Variants in RFT1 observed in about 807,000 individuals in gnomAD.
RFT1 encodes man(5)GlcNAc(2)-PP-dolichol translocation protein RFT1.
RFT1 carries 43 observed loss-of-function variants against 62.2 expected under a neutral mutation model. The observed-to-expected ratio is 0.69, with a 90% CI of 0.54 to 0.89. RFT1 has a LOEUF of 0.89. Ranked by LOEUF, RFT1 falls within the 40% of genes least tolerant of loss-of-function variation. The pLI, the probability that RFT1 is intolerant of heterozygous loss-of-function variation, is 0.00. For missense variants in RFT1, 605 were observed against 649.9 expected (o/e 0.93, Z 0.75); for synonymous variants, 262 against 264.6 (o/e 0.99, Z 0.10).
intron 11 of RFT1, among the ~76,000 whole-genome samples, chr3:53,098,801 C>CAAAAAAAAAA (rs35371104): frequency 1.7e-5 from 1 of 57,632 alleles, no homozygotes; most frequent in Non-Finnish European, 2.8e-5. Flanking sequence ...GACTCCATCT[C>CAAAAAAAAAA]AAAAAAAAAA....
chr3:53,070,957 C>G, the RFT1 span, among the ~76,000 whole-genome samples: 1 of 151,936 alleles, frequency 6.6e-6, no homozygotes, highest in East Asian at 2.0e-4. Context: ...GTCTAGAACT[C>G]CTGATTCAGA....
At chr3:53,093,792 G>A (rs1354153149) in intron 11 of RFT1, among the ~76,000 whole-genome samples, 5 of 152,150 alleles carry the variant, frequency 3.3e-5, no homozygotes, top group African/African-American at 7.2e-5. Flanking sequence ...AGGTTGAAGC[G>A]GGAGGATCGC....
intron 10 of RFT1, among the ~76,000 whole-genome samples, chr3:53,102,815 T>C (rs78004249): frequency 1.3e-3 from 193 of 152,322 alleles, no homozygotes; most frequent in Non-Finnish European, 1.8e-3. Context: ...AAAACTAAGA[T>C]GATGGGCTGA....
At chr3:53,070,440 C>T in the RFT1 span, among the ~76,000 whole-genome samples, 7 of 114,818 alleles carry the variant, frequency 6.1e-5, no homozygotes, top group East Asian at 3.0e-4. Context: ...CTCACTCTGT[C>T]GCCCAGGCTG....
intron 2 of RFT1, among the ~76,000 whole-genome samples, chr3:53,124,411 T>C (rs1420561829): frequency 9.2e-5 from 14 of 152,082 alleles, no homozygotes; most frequent in Non-Finnish European, 1.5e-5. Flanking sequence ...CCCTCCTCAA[T>C]AGACAGCCGT....
the RFT1 span, among the ~76,000 whole-genome samples, chr3:53,076,146 T>C: frequency 1.4e-4 from 22 of 152,340 alleles, no homozygotes; most frequent in African/African-American, 4.8e-4. Context: ...CCCATTTGTG[T>C]GGCTGCCGCC....
chr3:53,080,519 A>G, the RFT1 span, among the ~76,000 whole-genome samples: 1 of 152,186 alleles, frequency 6.6e-6, no homozygotes, highest in East Asian at 1.9e-4. Context: ...AAGATGCTCC[A>G]CCACCACGTG....
At chr3:53,128,334 T>C (rs1702169572) in intron 1 of RFT1, among the ~76,000 whole-genome samples, 1 of 152,158 alleles carries the variant, frequency 6.6e-6, no homozygotes, top group African/African-American at 2.4e-5. Context: ...TACATACTTA[T>C]GTTAACCTCA....
chr3:53,095,036 G>C (rs1409868052), intron 11 of RFT1, among the ~76,000 whole-genome samples: 2 of 150,492 alleles, frequency 1.3e-5, no homozygotes, highest in East Asian at 3.9e-4. Flanking sequence ...GGGAGGCCGA[G>C]GCGGGTAGAT....
chr3:53,095,548 C>G (rs921586079), intron 11 of RFT1, among the ~76,000 whole-genome samples: 1 of 152,026 alleles, frequency 6.6e-6, no homozygotes, highest in Non-Finnish European at 1.5e-5. Context: ...GAGACTCCGT[C>G]TCTACAAAAA....
At chr3:53,084,590 G>A (rs990145070), downstream of RFT1, among the ~76,000 whole-genome samples, 1 of 152,218 alleles carries the variant, frequency 6.6e-6, no homozygotes, top group African/African-American at 2.4e-5. Flanking sequence ...TGCGATGACA[G>A]CTCCCGAGCC....
chr3:53,104,832 T>A (rs546835086), intron 9 of RFT1, among the ~76,000 whole-genome samples: 1 of 152,250 alleles, frequency 6.6e-6, no homozygotes, highest in African/African-American at 2.4e-5. Flanking sequence ...GATTAAAATC[T>A]CTTCTTCTGT....
chr3:53,100,989 T>C (rs1321895523), intron 10 of RFT1, among the ~76,000 whole-genome samples: 1 of 151,814 alleles, frequency 6.6e-6, no homozygotes, highest in African/African-American at 2.4e-5. Context: ...ACATAACCAC[T>C]GAAAGAAAAG....
At chr3:53,111,085 A>T (rs1486063102) in intron 7 of RFT1, among the ~76,000 whole-genome samples, 1 of 152,206 alleles carries the variant, frequency 6.6e-6, no homozygotes, top group East Asian at 1.9e-4. Flanking sequence ...TAAAAAGAAG[A>T]AGAAGAAAAT....
Position 53,091,975 on chromosome 3 carries a change from G to A in RFT1, c.1554C>T (p.Leu518=). The A allele has an allele frequency of 6.2e-7, 1 of 1,614,258 alleles. No homozygotes were observed. The highest frequency in any genetic ancestry group is 8.5e-7 in the Non-Finnish European group (1 of 1,180,048). ...CLGATLGTAF[L]TETKLIHFLR... ...GGAAATGGATCAGCTTGGTCTCTGT[G>A]AGGAATGCTGTCCCGAGAGTTGCTC... Residue 518 remains leucine, a synonymous_variant, in exon 13 of 13, where the codon CTC becomes CTT. Coordinates refer to ENST00000296292, the MANE Select transcript of RFT1 (RefSeq NM_052859.4).
chr3:53,121,614 G>A (rs998573567), intron 5 of RFT1, 85 bp downstream of exon 5: 2 of 1,082,830 alleles, frequency 1.8e-6, no homozygotes, highest in African/African-American at 1.6e-5. Flanking sequence ...TACTGTGAAT[G>A]CAGACCACAC....
downstream of RFT1, among the ~76,000 whole-genome samples, chr3:53,083,495 A>G (rs1341595058): frequency 1.2e-4 from 2 of 16,590 alleles, no homozygotes; most frequent in Non-Finnish European, 2.6e-4. Context: ...ACCCTATCTA[A>G]AAAAAAAAAA....
chr3:53,088,151 T>C (rs2107057407), downstream of RFT1, among the ~76,000 whole-genome samples: 1 of 152,278 alleles, frequency 6.6e-6, no homozygotes, highest in Non-Finnish European at 1.5e-5. Context: ...GGAATGGCCG[T>C]TTAATAAACA....
At chr3:53,078,406 T>C in the RFT1 span, among the ~76,000 whole-genome samples, 1 of 152,104 alleles carries the variant, frequency 6.6e-6, no homozygotes, top group African/African-American at 2.4e-5. Context: ...AAATACATAA[T>C]ATCAGGAGAT....
Sources: gnomAD v4.1 joint callset for allele counts (sites outside exome capture counted in the v4.1 genomes callset) on GRCh38, gnomAD v4.1.1 for gene constraint, MANE v1.5 for transcripts, NCBI Gene and HGNC (gene_info 2026-07-23, HGNC 2026-07-21) for gene names.